Variants in FAM184A observed in about 807,000 individuals in gnomAD.
FAM184A encodes the protein protein FAM184A.
A neutral mutation model predicts 143.8 loss-of-function variants in FAM184A; 99 were observed. The ratio of observed to expected loss-of-function variants is 0.69; its 90% CI spans 0.58 to 0.81. The LOEUF (loss-of-function observed/expected upper bound fraction) is 0.81. Among genes scored for constraint, FAM184A ranks in the 40% least tolerant of loss-of-function variants. The pLI is 0.00. For missense variants in FAM184A, 1,217 were observed against 1,310.5 expected, an observed-to-expected ratio of 0.93 and a Z score of 1.10; for synonymous variants, 427 against 446.4, an observed-to-expected ratio of 0.96 and a Z score of 0.55.
intron 1 of FAM184A, among the ~76,000 whole-genome samples, chr6:119,147,625 C>G (rs1001629058): frequency 2.0e-5 from 3 of 152,206 alleles, no homozygotes; most frequent in Non-Finnish European, 2.9e-5. Flanking sequence ...AGTCAGCCTG[C>G]TCGAACTCAG....
intron 14 of FAM184A, among the ~76,000 whole-genome samples, chr6:118,974,174 T>C (rs1051792647): frequency 2.0e-5 from 3 of 152,160 alleles, no homozygotes; most frequent in African/African-American, 7.2e-5. Flanking sequence ...TAGTTCATGA[T>C]CCTAAGGAAC....
At chr6:119,108,153 T>TGTGTGTGTGTGTGTGTG (rs1377819506) in intron 1 of FAM184A, among the ~76,000 whole-genome samples, 3 of 58,770 alleles carry the variant, frequency 5.1e-5, no homozygotes, top group African/African-American at 3.2e-4. Context: ...GTGTGTGTGG[T>TGTGTGTGTGTGTGTGTG]GTGTAGGGTT....
intron 1 of FAM184A, among the ~76,000 whole-genome samples, chr6:119,132,050 T>C (rs1789547699): frequency 6.6e-6 from 1 of 152,198 alleles, no homozygotes; most frequent in Non-Finnish European, 1.5e-5. Context: ...GCTAACTTGG[T>C]TATATTTCCT....
chr6:119,040,300 T>G (rs531264380), intron 1 of FAM184A, among the ~76,000 whole-genome samples: 1 of 152,268 alleles, frequency 6.6e-6, no homozygotes, highest in African/African-American at 2.4e-5. Context: ...CACTAACATA[T>G]TTGTTGCCGT....
intron 1 of FAM184A, among the ~76,000 whole-genome samples, chr6:119,116,123 T>C (rs1422015174): frequency 6.6e-6 from 1 of 152,058 alleles, no homozygotes; most frequent in Non-Finnish European, 1.5e-5. Context: ...TTGAATTTCC[T>C]ATCAGCTCCA....
At chr6:118,998,114 C>T (rs935825461) in intron 9 of FAM184A, among the ~76,000 whole-genome samples, 2 of 152,162 alleles carry the variant, frequency 1.3e-5, no homozygotes, top group African/African-American at 4.8e-5. Context: ...ACCCACACCC[C>T]ACCCCAAATA....
At chr6:119,042,923 A>G (rs1786393987) in intron 1 of FAM184A, among the ~76,000 whole-genome samples, 2 of 152,130 alleles carry the variant, frequency 1.3e-5, no homozygotes, top group Non-Finnish European at 2.9e-5. Flanking sequence ...AGTAAAGTCT[A>G]TTTTTCAAAA....
chr6:119,084,092 A>AG (rs201692660), intron 1 of FAM184A, among the ~76,000 whole-genome samples: 18,593 of 151,478 alleles, frequency 0.12, 1,568 homozygotes, highest in African/African-American at 0.23. Context: ...AGAGAGAGAG[A>AG]AAGAGAGAGA....
intron 1 of FAM184A, among the ~76,000 whole-genome samples, chr6:119,135,944 C>T (rs184847794): frequency 6.6e-6 from 1 of 151,740 alleles, no homozygotes; most frequent in East Asian, 1.9e-4. Flanking sequence ...ACCCAGATGG[C>T]CCTAAATATT....
Position 119,023,955 on chromosome 6 carries a change from T to C in FAM184A, c.1014+4A>G. The C allele has an allele frequency of 1.3e-6, 2 of 1,558,040 alleles. No homozygotes were observed. Among genetic ancestry groups the C allele is most frequent in the Non-Finnish European group, 1.7e-6 (2 of 1,160,316 alleles). The stretch of plus-strand genomic sequence containing the variant: ...ATGTGTTGAATATAATATTCTTTAC[T>C]TACCTGAACATTGTTCTCTGCTATG... On this transcript the variant is annotated splice_donor_region_variant and intron_variant, in intron 2 of 17. Coordinates refer to ENST00000338891, the MANE Select transcript of FAM184A (RefSeq NM_024581.6).
At chr6:118,968,175 T>C (rs1460255801) in intron 14 of FAM184A, among the ~76,000 whole-genome samples, 1 of 152,164 alleles carries the variant, frequency 6.6e-6, no homozygotes, top group Non-Finnish European at 1.5e-5. Flanking sequence ...ACAACAGGGG[T>C]GTCCAATCTT....
intron 1 of FAM184A, among the ~76,000 whole-genome samples, chr6:119,106,168 G>T (rs6569040): frequency 1.3e-5 from 2 of 151,962 alleles, no homozygotes; most frequent in South Asian, 4.2e-4. Flanking sequence ...CGAGGCGGGC[G>T]GATCACAAGG....
At chr6:118,981,463 T>C (rs1291914125) in intron 9 of FAM184A, among the ~76,000 whole-genome samples, 4 of 152,214 alleles carry the variant, frequency 2.6e-5, no homozygotes, top group Non-Finnish European at 4.4e-5. Context: ...GAGGAAACTT[T>C]AAAGTGAGTT....
intron 9 of FAM184A, among the ~76,000 whole-genome samples, chr6:118,990,783 C>T (rs1784354425): frequency 1.3e-5 from 2 of 151,630 alleles, no homozygotes; most frequent in African/African-American, 2.4e-5. Flanking sequence ...TACAGCTACT[C>T]GGGAGGCTGA....
intron 1 of FAM184A, among the ~76,000 whole-genome samples, chr6:119,111,992 A>G (rs1310718848): frequency 6.6e-6 from 1 of 152,198 alleles, no homozygotes; most frequent in Non-Finnish European, 1.5e-5. Context: ...CATGTACTGC[A>G]TATTATTCTA....
Position 119,128,113 on chromosome 6 carries a change from A to G in FAM184A, c.-202+20965T>C, listed in dbSNP as rs541316855. 5.3e-5 allele frequency among the ~76,000 whole-genome samples: 8 copies of G among 152,082 alleles called. No homozygotes were observed. In the East Asian group the frequency reaches 1.4e-3, roughly 26 times the overall value. Reference sequence around the variant, plus strand: ...CACAACTGACTACCATTAACATTAAAACAGAGATCTTAAGACTGACAAACA... The same window carrying G: ...CACAACTGACTACCATTAACATTAAGACAGAGATCTTAAGACTGACAAACA... On this transcript the variant is annotated intron_variant, in intron 1 of 16. Coordinates refer to the FAM184A transcript ENST00000352896.
chr6:119,009,949 A>G (rs794259), intron 6 of FAM184A, among the ~76,000 whole-genome samples: 143,716 of 152,246 alleles, frequency 0.94, 67,948 homozygotes, highest in Non-Finnish European at 0.96. Flanking sequence ...TCAGAATGAA[A>G]GTATTTAACT....
chr6:119,033,028 A>G lies in FAM184A; in HGVS notation c.160-8215T>C, dbSNP rs114896717. On this transcript the variant is annotated intron_variant, in intron 1 of 17. Transcript: ENST00000338891. Reference sequence around the variant, plus strand: ...ACCTCTGTACCTCAATTTATATTCAATGGTACTCCCAGACCAGCCTTATAA... The same window carrying G: ...ACCTCTGTACCTCAATTTATATTCAGTGGTACTCCCAGACCAGCCTTATAA... Among the ~76,000 whole-genome samples, 1,421 of 152,278 alleles carry G rather than the reference A, an allele frequency of 9.3e-3. 21 individuals carry two copies. Among genetic ancestry groups the G allele is most frequent in the African/African-American group, 0.032 (1,318 of 41,558 alleles).
chr6:119,135,636 A>G (rs1789641045), intron 1 of FAM184A, among the ~76,000 whole-genome samples: 1 of 152,182 alleles, frequency 6.6e-6, no homozygotes, highest in African/African-American at 2.4e-5. Context: ...AAAAGTATAA[A>G]TGGACTGAGC....
Sources: gnomAD v4.1 joint callset for allele counts (sites outside exome capture counted in the v4.1 genomes callset) on GRCh38, gnomAD v4.1.1 for gene constraint, MANE v1.5 for transcripts, NCBI Gene and HGNC (gene_info 2026-07-23, HGNC 2026-07-21) for gene names.